DGKD: variants seen among roughly 807,000 people sequenced by gnomAD.
The protein encoded by DGKD is diacylglycerol kinase delta, also known as DAG kinase delta.
In DGKD, 68 loss-of-function variants were observed where a neutral mutation model predicts 154.4. That is an observed-to-expected ratio of 0.44 (90% confidence interval 0.36 to 0.54). The LOEUF (loss-of-function observed/expected upper bound fraction) is 0.54, where lower values mean the gene tolerates loss of function less well. DGKD is among the 20% of genes least tolerant of loss of function. The pLI, the probability that DGKD is intolerant of heterozygous loss-of-function variation, is 0.00. For missense variants in DGKD, 1,343 were observed against 1,593.6 expected, an observed-to-expected ratio of 0.84 and a Z score of 2.68; for synonymous variants, 693 against 638.0, an observed-to-expected ratio of 1.09 and a Z score of -1.30.
chr2:233,420,232 G>C (rs2062070839), intron 3 of DGKD, among the ~76,000 whole-genome samples: 2 of 152,184 alleles, frequency 1.3e-5, no homozygotes, highest in African/African-American at 4.8e-5. Flanking sequence ...CTACTGGCAT[G>C]GTTTCAGGCT....
intron 3 of DGKD, among the ~76,000 whole-genome samples, chr2:233,416,941 T>C (rs535523760): frequency 6.6e-6 from 1 of 152,338 alleles, no homozygotes; most frequent in South Asian, 2.1e-4. Flanking sequence ...AAGCTTCTGG[T>C]CTTACTTCTC....
Position 233,450,939 on chromosome 2 carries a change from G to C in DGKD, c.2056G>C (p.Glu686Gln). The change falls in exon 17 of 30, where the codon GAA becomes CAA. Residue 686 changes from glutamate (E) to glutamine (Q), a missense_variant. This residue lies in a region of DGKD where 409 missense variants were observed against 446.0 expected (regional missense o/e 0.92). Transcript: ENST00000264057. ...TGTTACAGTGTCGAAATCTCCGTGT[G>C]AAAAGCTGATCAGCAAAGGGAGTCT... ...SQRKVSKSPC[E>Q]KLISKGSLSL... 1 of 1,604,444 alleles carries C rather than the reference G, an allele frequency of 6.2e-7. No homozygotes were observed. Among genetic ancestry groups the C allele is most frequent in the Middle Eastern group, 1.7e-4 (1 of 6,032 alleles).
At chr2:233,378,391 G>A (rs1305903481) in intron 1 of DGKD, among the ~76,000 whole-genome samples, 4 of 147,412 alleles carry the variant, frequency 2.7e-5, no homozygotes, top group African/African-American at 7.7e-5. Flanking sequence ...CAGCCTGGGC[G>A]ATAGAGTGAG....
At chr2:233,400,706 G>A (rs944154988) in intron 3 of DGKD, among the ~76,000 whole-genome samples, 4 of 152,168 alleles carry the variant, frequency 2.6e-5, no homozygotes, top group Admixed American at 2.6e-4. Flanking sequence ...GGTAGCCCTG[G>A]TCACCTCTCA....
chr2:233,437,171 G>A (rs1258756392), intron 7 of DGKD, among the ~76,000 whole-genome samples: 2 of 152,204 alleles, frequency 1.3e-5, no homozygotes, highest in African/African-American at 2.4e-5. Flanking sequence ...GGGTATTTCC[G>A]TGTTATGCCT....
intron 1 of DGKD, among the ~76,000 whole-genome samples, chr2:233,356,292 T>G (rs552256551): frequency 6.6e-6 from 1 of 152,202 alleles, no homozygotes; most frequent in South Asian, 2.1e-4. Context: ...GTTGGAAGGG[T>G]TGGTTAGGGC....
chr2:233,445,871 T>A lies in DGKD; in HGVS notation c.1334+109T>A, dbSNP rs1344844612. 1.5e-6 allele frequency: 2 copies of A among 1,340,376 alleles called. No individual in the cohort carries two copies. Among genetic ancestry groups the A allele is most frequent in the Non-Finnish European group, 2.0e-6 (2 of 1,005,506 alleles). 83.0% of individuals were successfully genotyped at this position (1,340,376 alleles called of 1,614,324 possible). ...GTGGAAAACATGGGCCCTCTGAAAT[T>A]ATTTGTAAAGATTTGACCTGAGTAT... On this transcript the variant is annotated intron_variant, in intron 11 of 29. Transcript: ENST00000264057. The surrounding 1 kb of genome is among the most constrained non-coding windows in gnomAD (Gnocchi z 5.5).
chr2:233,393,015 GT>G (rs1703734706), intron 3 of DGKD, among the ~76,000 whole-genome samples: 1 of 152,050 alleles, frequency 6.6e-6, no homozygotes, highest in Admixed American at 6.6e-5. Flanking sequence ...CTCCTTTTCT[GT>G]TTCCTTTTTT....
In DGKD at chr2:233,420,291, A is replaced by G. The variant is rs183168245; in HGVS notation, c.349-14089A>G. On this transcript the variant is annotated intron_variant, in intron 3 of 29. Coordinates refer to ENST00000264057, the MANE Select transcript of DGKD (RefSeq NM_152879.3). ...TAAACTACAAATATAGGGCATGGCTATATTGTGTGTGTCTCTAGTTCTGGC... is the reference window on the plus strand; with the variant it reads ...TAAACTACAAATATAGGGCATGGCTGTATTGTGTGTGTCTCTAGTTCTGGC... Among the ~76,000 whole-genome samples the G allele has an allele frequency of 1.6e-3, 244 of 152,178 alleles. 1 individual carries two copies. Among genetic ancestry groups the G allele is most frequent in the Non-Finnish European group, 2.4e-3 (164 of 67,994 alleles).
intron 1 of DGKD, 69 bp from the exon 2 acceptor site, chr2:233,388,167 TGTTTCAGCCGCAACAGGCTGC>T: frequency 1.3e-6 from 2 of 1,563,596 alleles, no homozygotes; most frequent in South Asian, 1.2e-5. Flanking sequence ...GACACGAATA[TGTTTCAGCCGCAACAGGCTGC>T]GTTTCAGCCG....
chr2:233,461,402 C>T lies in DGKD; in HGVS notation c.2982-946C>T, dbSNP rs547219210. Among the ~76,000 whole-genome samples, 114 of 152,396 alleles carry T rather than the reference C, an allele frequency of 7.5e-4. 1 individual carries two copies. Among genetic ancestry groups the T allele is most frequent in the Non-Finnish European group, 9.7e-4 (66 of 68,034 alleles). ...CAGATGGATCGTCTGTGCCAGCCTT[C>T]GGCTCTTGTCGAGCAGGTGGTCGCT... On this transcript the variant is annotated intron_variant, in intron 24 of 29. Transcript: ENST00000264057.
chr2:233,388,633 C>T (rs920904581), intron 2 of DGKD: 4 of 288,934 alleles, frequency 1.4e-5, no homozygotes, highest in Middle Eastern at 9.4e-4. Flanking sequence ...GAGACAGCCG[C>T]GTTACAGCTG....
At chr2:233,362,572 A>T (rs1464008765) in intron 1 of DGKD, among the ~76,000 whole-genome samples, 1 of 152,166 alleles carries the variant, frequency 6.6e-6, no homozygotes, top group Non-Finnish European at 1.5e-5. Context: ...CATCGCTTGA[A>T]CCTGGGAAGT....
At position 233,423,533 on chromosome 2, in the gene DGKD, C is replaced by T. The variant is rs190909478; in HGVS notation, c.349-10847C>T. On this transcript the variant is annotated intron_variant, in intron 3 of 29. Transcript: ENST00000264057. ...GAGTATCTTCTGTGTGCTTATTTGCCGCTTGCATATCCTCTTGTGCTGTCG... is the reference window on the plus strand; with the variant it reads ...GAGTATCTTCTGTGTGCTTATTTGCTGCTTGCATATCCTCTTGTGCTGTCG... 1.5e-3 allele frequency among the ~76,000 whole-genome samples: 226 copies of T among 152,136 alleles called. 1 individual carries two copies. The highest frequency in any genetic ancestry group is 4.8e-3 in the African/African-American group (198 of 41,486).
chr2:233,381,749 A>G (rs1702915073), intron 1 of DGKD, among the ~76,000 whole-genome samples: 1 of 152,208 alleles, frequency 6.6e-6, no homozygotes, highest in African/African-American at 2.4e-5. Flanking sequence ...CTTTAGAGAT[A>G]GAATTGGAGA....
rs1280425315 is a variant in DGKD, at chr2:233,466,994, C to T, written c.3307-92C>T. ...TTCCCAGCTCCCGCTCATCTCAGCC[C>T]TGCCTGCCCTCCCAGCCTCTCTGGT... On this transcript the variant is annotated intron_variant, in intron 27 of 29. Transcript: ENST00000264057. The T allele has an allele frequency of 5.3e-5, 54 of 1,012,154 alleles. No individual in the cohort carries two copies. In the South Asian group the frequency reaches 6.7e-4, roughly 12 times the overall value. 62.7% of individuals were successfully genotyped at this position (1,012,154 alleles called of 1,614,324 possible). A position where few individuals can be genotyped will look rare whatever the true frequency, so the allele number is the denominator to read the frequency against.
chr2:233,358,717 A>G (rs1440126535), intron 1 of DGKD, among the ~76,000 whole-genome samples: 1 of 152,182 alleles, frequency 6.6e-6, no homozygotes, highest in Non-Finnish European at 1.5e-5. Flanking sequence ...ATGTCATGGC[A>G]TGTATCGGTA....
chr2:233,423,546 T>C (rs1354120091), intron 3 of DGKD, among the ~76,000 whole-genome samples: 1 of 152,148 alleles, frequency 6.6e-6, no homozygotes, highest in Non-Finnish European at 1.5e-5. Context: ...TTGCATATCC[T>C]CTTGTGCTGT....
Position 233,354,871 on chromosome 2 carries a change from C to T in DGKD, c.156+197C>T, listed in dbSNP as rs1184596946. On this transcript the variant is annotated intron_variant, in intron 1 of 29. Coordinates refer to ENST00000264057, the MANE Select transcript of DGKD (RefSeq NM_152879.3). The surrounding 1 kb of genome is among the most constrained non-coding windows in gnomAD (Gnocchi z 4.8). ...CCCGGGCGGAGCGCGCGGCCCCCGA[C>T]GGACGGCGGGCGGCTGTGGGGCCGG... is the stretch of plus-strand genomic sequence containing the variant. Among the ~76,000 whole-genome samples the T allele has an allele frequency of 6.9e-6, 1 of 144,942 alleles. No homozygotes were observed. Among genetic ancestry groups the T allele is most frequent in the African/African-American group, 2.5e-5 (1 of 40,466 alleles).
Sources: gnomAD v4.1 joint callset for allele counts (sites outside exome capture counted in the v4.1 genomes callset) on GRCh38, gnomAD v4.1.1 for gene constraint, gnomAD v4.1.1 regional missense constraint, Gnocchi (gnomAD v3.1) non-coding constraint, MANE v1.5 for transcripts, NCBI Gene and HGNC (gene_info 2026-07-23, HGNC 2026-07-21) for gene names.